HEATR5A: variants seen among roughly 807,000 people sequenced by gnomAD.
HEATR5A encodes HEAT repeat containing 5A, also known as HEAT repeat-containing protein 5A.
Under a neutral mutation model 218.8 loss-of-function variants are expected in HEATR5A, and 178 were observed. That is an observed-to-expected ratio of 0.81 (90% CI 0.72 to 0.92). The LOEUF (loss-of-function observed/expected upper bound fraction) is 0.92. HEATR5A is among the 40% of genes least tolerant of loss of function. The probability of loss-of-function intolerance (pLI) is 0.00; values close to 1 mark genes in which losing one functional copy is unlikely to be tolerated. For missense variants in HEATR5A, 2,420 were observed against 2,418.9 expected, an observed-to-expected ratio of 1.00 and a Z score of -0.01; for synonymous variants, 864 against 871.6, an observed-to-expected ratio of 0.99 and a Z score of 0.15.
At chr14:31,357,742 T>G (rs1363395413) in intron 16 of HEATR5A, among the ~76,000 whole-genome samples, 1 of 152,230 alleles carries the variant, frequency 6.6e-6, no homozygotes, top group South Asian at 2.1e-4. Context: ...AATCCCTACA[T>G]AGTATGAGGT....
intron 26 of HEATR5A, among the ~76,000 whole-genome samples, chr14:31,316,289 TAAAAAAC>T (rs1203782949): frequency 1.3e-5 from 2 of 150,408 alleles, no homozygotes; most frequent in Non-Finnish European, 3.0e-5. Flanking sequence ...CCCCATCTCT[TAAAAAAC>T]AAAAAACAAA....
At chr14:31,389,261 C>T (rs1263160875) in intron 6 of HEATR5A, among the ~76,000 whole-genome samples, 1 of 152,136 alleles carries the variant, frequency 6.6e-6, no homozygotes, top group Non-Finnish European at 1.5e-5. Flanking sequence ...TGCTTCCTTT[C>T]CTCAAAGAAG....
chr14:31,387,265 G>A lies in HEATR5A; in HGVS notation c.1044C>T (p.Thr348=). 6.2e-7 allele frequency: 1 copy of A among 1,613,934 alleles called. No individual in the cohort carries two copies. The highest frequency in any genetic ancestry group is 8.5e-7 in the Non-Finnish European group (1 of 1,179,888). The change falls in exon 8 of 36, where the codon ACC becomes ACT. Residue 348 remains threonine (T), a synonymous_variant. Coordinates refer to ENST00000543095, the MANE Select transcript of HEATR5A (RefSeq NM_015473.4). ...SLASPSHPKA[T]QTQIDAVCCR... The stretch of plus-strand genomic sequence containing the variant: ...AGCAGACGGCATCGATCTGAGTTTG[G>A]GTGGCTTTAGGGTGTGACGGTGACG...
chr14:31,308,855 A>G, intron 29 of HEATR5A, 79 bp downstream of exon 29: 1 of 1,294,772 alleles, frequency 7.7e-7, no homozygotes, highest in Non-Finnish European at 1.0e-6. Context: ...AGCCTGGGTG[A>G]AAGAGCAAAA....
At chr14:31,404,668 T>G (rs1050356038) in intron 1 of HEATR5A, among the ~76,000 whole-genome samples, 1 of 148,938 alleles carries the variant, frequency 6.7e-6, no homozygotes, top group African/African-American at 2.5e-5. Context: ...GCACTTCGGG[T>G]AGCTGAGGCA....
At chr14:31,355,667 G>A (rs573581912) in intron 16 of HEATR5A, among the ~76,000 whole-genome samples, 2 of 152,084 alleles carry the variant, frequency 1.3e-5, no homozygotes, top group Admixed American at 6.6e-5. Flanking sequence ...CCCAGGAGGC[G>A]GATGTTGCAG....
intron 33 of HEATR5A, 85 bp downstream of exon 33, chr14:31,302,210 G>T: frequency 2.1e-6 from 2 of 951,320 alleles, no homozygotes; most frequent in South Asian, 1.5e-5. Context: ...GGCCAAATAT[G>T]ATCAAGTAAA....
chr14:31,418,374 G>A (rs1043124150), intron 1 of HEATR5A, among the ~76,000 whole-genome samples: 1 of 152,108 alleles, frequency 6.6e-6, no homozygotes, highest in Non-Finnish European at 1.5e-5. Flanking sequence ...GGAGCCATAC[G>A]GTCTCTATCA....
chr14:31,309,965 A>T (rs1252018071), intron 28 of HEATR5A, among the ~76,000 whole-genome samples: 1 of 151,944 alleles, frequency 6.6e-6, no homozygotes, highest in Admixed American at 6.6e-5. Context: ...AGCCTCCCAA[A>T]GTGCTGGGAT....
At position 31,362,512 on chromosome 14, in the gene HEATR5A, C is replaced by T. The variant is rs990050147; in HGVS notation, c.2071+1677G>A. Reference sequence around the variant, plus strand: ...GCCCAGTGGCTCATGACTGTAATCCCAACACTTTGAGAGGCTGAGGTGGGA... The same window carrying T: ...GCCCAGTGGCTCATGACTGTAATCCTAACACTTTGAGAGGCTGAGGTGGGA... On this transcript the variant is annotated intron_variant, in intron 14 of 35. Transcript: ENST00000543095. Among the ~76,000 whole-genome samples the T allele has an allele frequency of 4.1e-5, 6 of 145,648 alleles. 1 individual carries two copies. In the Admixed American group the frequency reaches 4.3e-4, roughly 11 times the overall value.
intron 4 of HEATR5A, among the ~76,000 whole-genome samples, chr14:31,396,599 A>C (rs2030663075): frequency 6.6e-6 from 1 of 152,230 alleles, no homozygotes; most frequent in Admixed American, 6.5e-5. Context: ...ATTTCATAGT[A>C]ATATTGTTAA....
At chr14:31,369,632 A>C (rs1007069650) in intron 13 of HEATR5A, among the ~76,000 whole-genome samples, 1 of 146,890 alleles carries the variant, frequency 6.8e-6, no homozygotes, top group Non-Finnish European at 1.5e-5. Context: ...AAAAAAAAAA[A>C]AAAACCCAAA....
intron 1 of HEATR5A, among the ~76,000 whole-genome samples, chr14:31,405,656 C>CT (rs1393255330): frequency 6.6e-6 from 1 of 152,122 alleles, no homozygotes; most frequent in Non-Finnish European, 1.5e-5. Flanking sequence ...CAAGTTTGCA[C>CT]TTAGTATCTA....
chr14:31,363,700 G>T (rs918407705), intron 14 of HEATR5A, among the ~76,000 whole-genome samples: 1 of 152,130 alleles, frequency 6.6e-6, no homozygotes, highest in Non-Finnish European at 1.5e-5. Flanking sequence ...AGTATTTTAG[G>T]CTGGGCTCAA....
intron 7 of HEATR5A, 43 bp from the exon 8 acceptor site, chr14:31,387,418 A>C (rs1333059143): frequency 2.1e-6 from 3 of 1,401,406 alleles, no homozygotes; most frequent in Admixed American, 2.1e-5. Context: ...AAATTGTTTC[A>C]ATTCTGTATT....
chr14:31,366,661 A>T (rs1901815086), intron 13 of HEATR5A, among the ~76,000 whole-genome samples: 1 of 152,182 alleles, frequency 6.6e-6, no homozygotes, highest in Non-Finnish European at 1.5e-5. Flanking sequence ...TTTTATCAGG[A>T]TAAAAGATAA....
chr14:31,376,206 A>G (rs552103167), intron 11 of HEATR5A, among the ~76,000 whole-genome samples: 38 of 152,340 alleles, frequency 2.5e-4, no homozygotes, highest in Middle Eastern at 6.8e-3. Flanking sequence ...TGAGGCGTAT[A>G]TGAGTTTATA....
intron 13 of HEATR5A, among the ~76,000 whole-genome samples, chr14:31,366,557 T>C (rs1256219778): frequency 1.3e-5 from 2 of 152,208 alleles, no homozygotes; most frequent in African/African-American, 4.8e-5. Context: ...AGCATTTTTA[T>C]TGGTTTCTGC....
chr14:31,357,902 G>C (rs1197928600), intron 16 of HEATR5A, among the ~76,000 whole-genome samples: 1 of 152,166 alleles, frequency 6.6e-6, no homozygotes, highest in Non-Finnish European at 1.5e-5. Context: ...GCCACGGACT[G>C]GTACTGGTCC....
Sources: allele counts gnomAD v4.1 joint callset (sites outside exome capture counted in the v4.1 genomes callset), GRCh38; gene constraint gnomAD v4.1.1; transcripts MANE v1.5; gene names NCBI Gene and HGNC (gene_info 2026-07-23, HGNC 2026-07-21).